RBP7: variants seen among roughly 807,000 people sequenced by gnomAD.
The protein encoded by RBP7 is retinoid-binding protein 7.
In RBP7, 13 loss-of-function variants were observed where a neutral mutation model predicts 16.7. The ratio of observed to expected loss-of-function variants is 0.78; its 90% CI spans 0.51 to 1.24. The LOEUF (loss-of-function observed/expected upper bound fraction) is 1.24, where lower values mean the gene tolerates loss of function less well. RBP7 is among the 50% of genes most tolerant of loss of function. The pLI, the probability that RBP7 is intolerant of heterozygous loss-of-function variation, is 0.00. For synonymous variants in RBP7, 54 were observed against 56.2 expected (o/e 0.96, Z 0.17); for missense variants, 145 against 159.5 (o/e 0.91, Z 0.49).
chr1:10,012,069 A>G (rs1642637133), intron 3 of RBP7, among the ~76,000 whole-genome samples: 1 of 151,272 alleles, frequency 6.6e-6, no homozygotes, highest in Non-Finnish European at 1.5e-5. Context: ...AAATCAGCTG[A>G]GAGTGGTGGC....
At chr1:10,003,290 G>A (rs1642330053) in intron 1 of RBP7, among the ~76,000 whole-genome samples, 1 of 152,174 alleles carries the variant, frequency 6.6e-6, no homozygotes, top group Non-Finnish European at 1.5e-5. Context: ...GCTGGGCGTG[G>A]TGGTGGGCAC....
At chr1:9,999,102 T>G (rs780926153) in intron 1 of RBP7, among the ~76,000 whole-genome samples, 1 of 152,120 alleles carries the variant, frequency 6.6e-6, no homozygotes, top group Non-Finnish European at 1.5e-5. Context: ...CTCATGAGAT[T>G]TGATGGTTTT....
intron 3 of RBP7, among the ~76,000 whole-genome samples, chr1:10,009,639 C>T (rs186888618): frequency 6.7e-4 from 102 of 151,592 alleles, no homozygotes; most frequent in African/African-American, 2.2e-3. Context: ...TCAAGCGATC[C>T]TCCCACCTCA....
At chr1:10,002,979 G>A (rs1642322276) in intron 1 of RBP7, among the ~76,000 whole-genome samples, 1 of 152,110 alleles carries the variant, frequency 6.6e-6, no homozygotes, top group Non-Finnish European at 1.5e-5. Flanking sequence ...AACTAAAACA[G>A]GGATAGGATG....
rs769450900 is a variant in RBP7, at chr1:10,008,150, C to A, written c.253-23C>A. On this transcript the variant is annotated intron_variant, in intron 2 of 3. Transcript: ENST00000294435. Reference sequence around the variant, plus strand: ...TGAGGATCCTGCCAGGACAAGCTAACATTTTCTCCTCTCTTCATGCAGAGT... The same window carrying A: ...TGAGGATCCTGCCAGGACAAGCTAAAATTTTCTCCTCTCTTCATGCAGAGT... 3 of 1,479,220 alleles carry A rather than the reference C, an allele frequency of 2.0e-6. No homozygotes were observed. The East Asian group carries it at 6.8e-5, about 33-fold the overall frequency. 91.6% of individuals were successfully genotyped at this position (1,479,220 alleles called of 1,614,324 possible).
At position 10,011,514 on chromosome 1, in the gene RBP7, C is replaced by T. The variant is rs76060396; in HGVS notation, c.354+3240C>T. On this transcript the variant is annotated intron_variant, in intron 3 of 3. Coordinates refer to ENST00000294435, the MANE Select transcript of RBP7 (RefSeq NM_052960.3). ...GACTCAAAATAATTTAAAGTTTCATCAGCTTTGATTGTGAATTACGTATTT... is the reference window on the plus strand; with the variant it reads ...GACTCAAAATAATTTAAAGTTTCATTAGCTTTGATTGTGAATTACGTATTT... 2.0e-3 allele frequency among the ~76,000 whole-genome samples: 303 copies of T among 152,274 alleles called. 1 individual carries two copies. Among genetic ancestry groups the T allele is most frequent in the African/African-American group, 7.0e-3 (293 of 41,574 alleles).
At chr1:10,011,383 T>G (rs542025614) in intron 3 of RBP7, among the ~76,000 whole-genome samples, 1 of 152,248 alleles carries the variant, frequency 6.6e-6, no homozygotes, top group Admixed American at 6.6e-5. Flanking sequence ...CAAAACAGTG[T>G]AGGTAAAGAA....
intron 1 of RBP7, among the ~76,000 whole-genome samples, chr1:10,000,578 A>G (rs1642251153): frequency 1.3e-5 from 2 of 152,226 alleles, no homozygotes; most frequent in South Asian, 2.1e-4. Context: ...TCAGCTAGCA[A>G]TCTTGAATTT....
intron 1 of RBP7, among the ~76,000 whole-genome samples, chr1:10,000,817 C>A (rs994783429): frequency 6.6e-6 from 1 of 151,854 alleles, no homozygotes; most frequent in Non-Finnish European, 1.5e-5. Context: ...CTCACTGCAA[C>A]CTCTGCCTCC....
rs937930882 is a variant in RBP7 at position 9,997,495 on chromosome 1, C to T, written c.73+164C>T. Among the ~76,000 whole-genome samples the T allele has an allele frequency of 5.3e-5, 8 of 152,012 alleles. No homozygotes were observed. Among genetic ancestry groups the T allele is most frequent in the African/African-American group, 1.9e-4 (8 of 41,412 alleles). On this transcript the variant is annotated intron_variant, in intron 1 of 3. Transcript: ENST00000294435. The surrounding 1 kb of genome is among the most constrained non-coding windows in gnomAD (Gnocchi z 5.9). ...CCGAGTCCGCTGGTCCTTGGCGCCTCCGTCCATCGGGCGCGGGACCCCAGT... is the reference window on the plus strand; with the variant it reads ...CCGAGTCCGCTGGTCCTTGGCGCCTTCGTCCATCGGGCGCGGGACCCCAGT...
intron 3 of RBP7, among the ~76,000 whole-genome samples, chr1:10,009,688 C>T (rs1362193853): frequency 6.6e-6 from 1 of 151,612 alleles, no homozygotes; most frequent in African/African-American, 2.4e-5. Flanking sequence ...TGCACCACCA[C>T]ACCCAGCTAG....
chr1:10,013,870 G>A (rs951512862), intron 3 of RBP7, among the ~76,000 whole-genome samples: 2 of 152,010 alleles, frequency 1.3e-5, no homozygotes, highest in African/African-American at 4.8e-5. Flanking sequence ...CAGCTACTTG[G>A]GTGGCTGAGG....
intron 1 of RBP7, among the ~76,000 whole-genome samples, chr1:10,001,648 G>A (rs933584496): frequency 2.6e-5 from 4 of 151,988 alleles, no homozygotes; most frequent in African/African-American, 4.8e-5. Context: ...CTGAAGGTGC[G>A]TGCTTCAGAA....
intron 3 of RBP7, among the ~76,000 whole-genome samples, chr1:10,011,613 C>T (rs1642622812): frequency 6.6e-6 from 1 of 152,148 alleles, no homozygotes; most frequent in South Asian, 2.1e-4. Context: ...TTTTTTGCCT[C>T]ACTGTATGTG....
At chr1:10,011,106 CCACT>C (rs1642604265) in intron 3 of RBP7, among the ~76,000 whole-genome samples, 1 of 152,156 alleles carries the variant, frequency 6.6e-6, no homozygotes, top group African/African-American at 2.4e-5. Context: ...TGATTAGTTA[CCACT>C]CAGTTTTTTC....
In RBP7 at chr1:9,997,904, C is replaced by CG. The variant is rs924654688; in HGVS notation, c.73+576dup. Among the ~76,000 whole-genome samples, 42 of 152,222 alleles carry CG rather than the reference C, an allele frequency of 2.8e-4. No homozygotes were observed. The highest frequency in any genetic ancestry group is 8.4e-4 in the African/African-American group (35 of 41,564). ...GAGCCAGCGGACGACCCTTCAGGTC[C>CG]GGGCACCCGCGGGAGTGCAGAGCCT... is the stretch of plus-strand genomic sequence containing the variant. On this transcript the variant is annotated intron_variant, in intron 1 of 3. Transcript: ENST00000294435. This position sits in a 1 kb window ranked among gnomAD's most constrained non-coding sequence, Gnocchi z 5.9.
intron 1 of RBP7, among the ~76,000 whole-genome samples, chr1:10,003,190 G>A (rs1021460690): frequency 1.3e-5 from 2 of 152,130 alleles, no homozygotes; most frequent in African/African-American, 2.4e-5. Context: ...ACTTTGGGAG[G>A]CTGAGGTGGG....
chr1:10,003,493 G>A (rs1267749570), intron 1 of RBP7, among the ~76,000 whole-genome samples: 1 of 152,148 alleles, frequency 6.6e-6, no homozygotes, highest in South Asian at 2.1e-4. Flanking sequence ...GTAACTAGAA[G>A]TGGGTATAAA....
At chr1:10,012,170 C>G (rs570471732) in intron 3 of RBP7, among the ~76,000 whole-genome samples, 299 of 145,618 alleles carry the variant, frequency 2.1e-3, no homozygotes, top group Non-Finnish European at 3.5e-3. Context: ...GAGATTGCAC[C>G]ATTGCACTCC....
Sources: gnomAD v4.1 joint callset for allele counts (sites outside exome capture counted in the v4.1 genomes callset) on GRCh38, gnomAD v4.1.1 for gene constraint, Gnocchi (gnomAD v3.1) non-coding constraint, MANE v1.5 for transcripts, NCBI Gene and HGNC (gene_info 2026-07-23, HGNC 2026-07-21) for gene names.